Variants in MAST3 observed in about 807,000 individuals in gnomAD.
The protein encoded by MAST3 is microtubule associated serine/threonine kinase 3.
In MAST3, 43 loss-of-function variants were observed where a neutral mutation model predicts 127.0. The ratio of observed to expected loss-of-function variants is 0.34; its 90% CI spans 0.27 to 0.44. MAST3 has a LOEUF of 0.44. Among genes scored for constraint, MAST3 ranks in the 20% least tolerant of loss-of-function variants. The pLI is 1.00. For synonymous variants in MAST3, 785 were observed against 809.2 expected, an observed-to-expected ratio of 0.97 and a Z score of 0.51; for missense variants, 1,390 against 1,919.1, an observed-to-expected ratio of 0.72 and a Z score of 5.15.
At chr19:18,127,032 T>G (rs572695245) in intron 11 of MAST3, among the ~76,000 whole-genome samples, 1 of 151,696 alleles carries the variant, frequency 6.6e-6, no homozygotes, top group South Asian at 2.1e-4. Context: ...CGCCCGCCTC[T>G]GCCTCCCAAA....
chr19:18,129,633 T>C (rs924191020), intron 13 of MAST3, among the ~76,000 whole-genome samples: 4 of 152,196 alleles, frequency 2.6e-5, no homozygotes, highest in Non-Finnish European at 5.9e-5. Flanking sequence ...AACTTTGAGT[T>C]TGGTGCTAGC....
chr19:18,131,702 A>T (rs2041307495), intron 14 of MAST3, among the ~76,000 whole-genome samples: 1 of 152,176 alleles, frequency 6.6e-6, no homozygotes, highest in Admixed American at 6.5e-5. Context: ...TCTCTCAAAA[A>T]GAAGAAAAAA....
intron 5 of MAST3, 63 bp from the exon 6 acceptor site, chr19:18,122,610 C>T: frequency 7.2e-7 from 1 of 1,395,482 alleles, no homozygotes; most frequent in Non-Finnish European, 1.0e-6. Flanking sequence ...AGTGTCTGTT[C>T]TTAGTCCCCA....
In MAST3 at chr19:18,134,500, G is replaced by A. The variant is rs769145679; in HGVS notation, c.1572-79G>A. 82 of 1,492,960 alleles carry A rather than the reference G, an allele frequency of 5.5e-5. 2 individuals are homozygous for A. The Middle Eastern group carries it at 2.0e-3, about 37-fold the overall frequency. 92.5% of individuals were successfully genotyped at this position (1,492,960 alleles called of 1,614,324 possible). ...AGGCAGAGCTCTGCCCATCTCAGGCGGAGCCAAGGTCTAGGGCAGAAGGGG... is the reference window on the plus strand; with the variant it reads ...AGGCAGAGCTCTGCCCATCTCAGGCAGAGCCAAGGTCTAGGGCAGAAGGGG... On this transcript the variant is annotated intron_variant, in intron 15 of 27. Transcript: ENST00000687212.
intron 12 of MAST3, among the ~76,000 whole-genome samples, 152 bp from the exon 13 acceptor site, chr19:18,128,714 A>C (rs562989339): frequency 1.4e-4 from 21 of 152,248 alleles, no homozygotes; most frequent in African/African-American, 4.3e-4. Flanking sequence ...CTGTGAGCAA[A>C]AAAGTACAGA....
At chr19:18,107,496 A>G in intron 1 of MAST3, 91 bp from the exon 2 acceptor site, 1 of 1,263,864 alleles carries the variant, frequency 7.9e-7, no homozygotes, top group Admixed American at 1.7e-5. Flanking sequence ...TGGTTGGGGC[A>G]TGGGATTGGG....
intron 17 of MAST3, among the ~76,000 whole-genome samples, chr19:18,135,506 A>G (rs2041803405): frequency 6.6e-6 from 1 of 152,036 alleles, no homozygotes; most frequent in Admixed American, 6.6e-5. Context: ...AGAGACCTGC[A>G]AGAACCTGAG....
rs2038496021 is a variant in MAST3, at chr19:18,110,672, G to T, written c.92G>T (p.Ser31Ile). The T allele has an allele frequency of 8.1e-6, 8 of 985,806 alleles. No homozygotes were observed. Among genetic ancestry groups the T allele is most frequent in the Non-Finnish European group, 9.6e-6 (8 of 829,986 alleles). 61.1% of individuals were successfully genotyped at this position (985,806 alleles called of 1,614,324 possible). A position where few individuals can be genotyped will look rare whatever the true frequency, so the allele number is the denominator to read the frequency against. Reference sequence around the variant, plus strand: ...TGCAGTCTGTCTCCGAGCAGCCAGAGCCCGTCCCTGCTGGGTCCCAGCAGC... The same window carrying T: ...TGCAGTCTGTCTCCGAGCAGCCAGATCCCGTCCCTGCTGGGTCCCAGCAGC... The part of the protein sequence containing the change: ...RGRGLSPSSQ[S>I]PSLLGPSSPC... Residue 31 changes from serine to isoleucine, a missense_variant, in exon 3 of 28, where the codon AGC becomes ATC. Coordinates refer to ENST00000687212, the MANE Select transcript of MAST3 (RefSeq NM_001393504.1). This position sits in a 1 kb window ranked among gnomAD's most constrained non-coding sequence, Gnocchi z 4.3.
chr19:18,122,573 A>G lies in MAST3; in HGVS notation c.321-100A>G. On this transcript the variant is annotated intron_variant, in intron 5 of 27. Transcript: ENST00000687212. Reference sequence around the variant, plus strand: ...TGGTTATTTTCAGGAGATCCTTCCTACAACAGGGCCAGAATATGCTGGCCA... The same window carrying G: ...TGGTTATTTTCAGGAGATCCTTCCTGCAACAGGGCCAGAATATGCTGGCCA... The G allele has an allele frequency of 3.0e-6, 3 of 1,001,560 alleles. No individual in the cohort carries two copies. The African/African-American group carries it at 4.8e-5, about 16-fold the overall frequency. 62.0% of individuals were successfully genotyped at this position (1,001,560 alleles called of 1,614,324 possible). A position where few individuals can be genotyped will look rare whatever the true frequency, so the allele number is the denominator to read the frequency against.
intron 3 of MAST3, among the ~76,000 whole-genome samples, chr19:18,111,293 G>C (rs1006396199): frequency 1.3e-5 from 2 of 152,112 alleles, no homozygotes; most frequent in Non-Finnish European, 2.9e-5. Flanking sequence ...CATCCCCCGG[G>C]GGCCAAGCAT....
In MAST3 at chr19:18,149,670, G is replaced by A. The variant is rs763255324; in HGVS notation, c.3988G>A (p.Ala1330Thr). The change falls in exon 28 of 28, where the codon GCC becomes ACC. Residue 1330 changes from alanine to threonine, a missense_variant. Transcript: ENST00000687212. This position sits in a 1 kb window ranked among gnomAD's most constrained non-coding sequence, Gnocchi z 5.9. ...GCTGCCCACCTCAGTGCCACAGATC[G>A]CCGTGGAGGGCGAGGAAGCCGTGCC... The part of the protein sequence containing the change: ...TGLPTSVPQI[A>T]VEGEEAVPVA... The A allele has an allele frequency of 3.1e-6, 5 of 1,613,096 alleles. No homozygotes were observed. Among genetic ancestry groups the A allele is most frequent in the Non-Finnish European group, 3.4e-6 (4 of 1,179,866 alleles).
At chr19:18,100,261 G>A (rs2037480052) in intron 1 of MAST3, among the ~76,000 whole-genome samples, 3 of 151,912 alleles carry the variant, frequency 2.0e-5, no homozygotes, top group African/African-American at 7.3e-5. Flanking sequence ...GAGTAGCTGG[G>A]ATTACAGGCA....
Position 18,145,931 on chromosome 19 carries a change from C to A in MAST3, c.3162+66C>A. On this transcript the variant is annotated intron_variant, in intron 25 of 27. Coordinates refer to ENST00000687212, the MANE Select transcript of MAST3 (RefSeq NM_001393504.1). The surrounding 1 kb of genome is among the most constrained non-coding windows in gnomAD (Gnocchi z 5.9). ...CCCCTTGGCCGCAGCTCCCGGTTCCCCGTGGTTCTCCGCGTCCAGACACAC... is the reference window on the plus strand; with the variant it reads ...CCCCTTGGCCGCAGCTCCCGGTTCCACGTGGTTCTCCGCGTCCAGACACAC... 1 of 1,495,026 alleles carries A rather than the reference C, an allele frequency of 6.7e-7. No homozygotes were observed. Among genetic ancestry groups the A allele is most frequent in the Non-Finnish European group, 8.9e-7 (1 of 1,129,384 alleles). 92.6% of individuals were successfully genotyped at this position (1,495,026 alleles called of 1,614,324 possible).
rs546176204 is a variant in MAST3, at chr19:18,137,434, G to C, written c.2095+73G>C. 88 of 1,517,620 alleles carry C rather than the reference G, an allele frequency of 5.8e-5. No homozygotes were observed. The South Asian group carries it at 1.0e-3, about 18-fold the overall frequency. The allele number at this position is 1,517,620 out of a possible 1,614,324, so 94.0% of individuals were successfully genotyped here. On this transcript the variant is annotated intron_variant, in intron 19 of 27. Coordinates refer to ENST00000687212, the MANE Select transcript of MAST3 (RefSeq NM_001393504.1). ...CCTCAGTCCCTGGGGGCAGAGGGCT[G>C]TGTGCCAGGCATTCCACCCGAGCTT...
Position 18,123,583 on chromosome 19 carries a change from G to A in MAST3, c.561G>A (p.Pro187=), listed in dbSNP as rs368250567. ...RLRPRSRSLS[P]GRATGTFDNE... ...AAGCCAGCTGTCTTCCTTTCAGCCC[G>A]GGCCGTGCAACGGGGACCTTCGACA... The change falls in exon 8 of 28, where the codon CCG becomes CCA. Residue 187 remains proline (P), a synonymous_variant. Transcript: ENST00000687212. 19 of 1,577,036 alleles carry A rather than the reference G, an allele frequency of 1.2e-5. No individual in the cohort carries two copies. Among genetic ancestry groups the A allele is most frequent in the Middle Eastern group, 1.7e-4 (1 of 5,958 alleles).
rs1347287367 is a variant in MAST3, at chr19:18,130,488, C to G, written c.1224-6C>G. ...GGTCCCAGCAAGCCTGGCCCTCTGTCCCCAGGGCCGTCTACCTGGTGCGGC... is the reference window on the plus strand; with the variant it reads ...GGTCCCAGCAAGCCTGGCCCTCTGTGCCCAGGGCCGTCTACCTGGTGCGGC... On this transcript the variant is annotated splice_region_variant and splice_polypyrimidine_tract_variant and intron_variant, in intron 13 of 27. Coordinates refer to ENST00000687212, the MANE Select transcript of MAST3 (RefSeq NM_001393504.1). 6.3e-7 allele frequency: 1 copy of G among 1,587,702 alleles called. No homozygotes were observed. Among genetic ancestry groups the G allele is most frequent in the Admixed American group, 1.8e-5 (1 of 55,156 alleles).
chr19:18,105,540 A>G (rs2038003195), intron 1 of MAST3, among the ~76,000 whole-genome samples: 2 of 150,664 alleles, frequency 1.3e-5, no homozygotes, highest in African/African-American at 4.9e-5. Context: ...CTCTTCTAAA[A>G]AAAAAAAAAA....
intron 13 of MAST3, 71 bp from the exon 14 acceptor site, chr19:18,130,423 C>A: frequency 7.1e-7 from 1 of 1,399,526 alleles, no homozygotes; most frequent in Non-Finnish European, 9.8e-7. Flanking sequence ...GGGATCTGGG[C>A]TCAAGTTGAG....
chr19:18,133,542 C>T (rs780561069), intron 15 of MAST3, among the ~76,000 whole-genome samples: 4 of 139,292 alleles, frequency 2.9e-5, no homozygotes, highest in Non-Finnish European at 4.6e-5. Context: ...ACCACTACGC[C>T]CAGCTAATTT....
Sources: allele counts gnomAD v4.1 joint callset (sites outside exome capture counted in the v4.1 genomes callset), GRCh38; gene constraint gnomAD v4.1.1; non-coding constraint Gnocchi (gnomAD v3.1); transcripts MANE v1.5; gene names NCBI Gene and HGNC (gene_info 2026-07-23, HGNC 2026-07-21).